The following STIM2 variants were observed in gnomAD, a reference collection of about 807,000 sequenced individuals.
The protein encoded by STIM2 is stromal interaction molecule 2.
In STIM2, 31 loss-of-function variants were observed where a neutral mutation model predicts 85.8. That is an observed-to-expected ratio of 0.36 (90% CI 0.27 to 0.49). The LOEUF is 0.49. STIM2 is among the 20% of genes least tolerant of loss of function. The pLI is 0.98. For synonymous variants in STIM2, 356 were observed against 331.1 expected (o/e 1.08, Z -0.82); for missense variants, 841 against 927.6 (o/e 0.91, Z 1.21).
In STIM2 at chr4:27,008,933, C is replaced by A; in HGVS notation, c.1420C>A (p.Pro474Thr). ...GGTGATGCCCAGAGTCTCCATTCCA[C>A]CCTATCCAATTGCTGGAGGAGTTGA... The change falls in exon 10 of 12, where the codon CCC becomes ACC. Residue 474 changes from proline to threonine, a missense_variant. Physicochemically the swap from Pro to Thr is conservative, Grantham distance 38. This residue lies in a region of STIM2 where 408 missense variants were observed against 525.4 expected (regional missense o/e 0.78). Transcript: ENST00000467087. The A allele has an allele frequency of 2.5e-6, 4 of 1,614,118 alleles. No homozygotes were observed. In the South Asian group the frequency reaches 4.4e-5, roughly 18 times the overall value.
At chr4:26,884,524 G>A (rs1195902864) in intron 1 of STIM2, among the ~76,000 whole-genome samples, 1 of 152,172 alleles carries the variant, frequency 6.6e-6, no homozygotes, top group Non-Finnish European at 1.5e-5. Flanking sequence ...GTGACTTACT[G>A]CTTCTACTGC....
intron 1 of STIM2, among the ~76,000 whole-genome samples, chr4:26,915,228 T>A (rs1348651854): frequency 6.6e-6 from 1 of 152,162 alleles, no homozygotes; most frequent in African/African-American, 2.4e-5. Flanking sequence ...CTTCCTTTTT[T>A]ATTTTTTATT....
intron 7 of STIM2, 148 bp from the exon 8 acceptor site, chr4:27,007,385 T>C: frequency 2.2e-6 from 1 of 445,962 alleles, no homozygotes; most frequent in East Asian, 3.7e-5. Context: ...AGAAATCTAC[T>C]GTATTTAGAC....
chr4:26,994,732 C>CT (rs528521944), intron 3 of STIM2, among the ~76,000 whole-genome samples: 27 of 151,982 alleles, frequency 1.8e-4, no homozygotes, highest in South Asian at 6.3e-4. Context: ...CATCTGAAGG[C>CT]TTTTTTTTAC....
intron 2 of STIM2, among the ~76,000 whole-genome samples, chr4:26,939,299 A>T (rs546792228): frequency 6.6e-6 from 1 of 152,074 alleles, no homozygotes; most frequent in Admixed American, 6.6e-5. Context: ...TGGCTGGAGG[A>T]TTCACCTTGC....
At chr4:26,911,194 G>A (rs948714136) in intron 1 of STIM2, among the ~76,000 whole-genome samples, 20 of 151,818 alleles carry the variant, frequency 1.3e-4, no homozygotes, top group African/African-American at 4.4e-4. Context: ...CTGGGATCAT[G>A]CCACTGCACT....
intron 1 of STIM2, chr4:26,881,505 C>T (rs774896785): frequency 2.0e-5 from 3 of 151,286 alleles, no homozygotes; most frequent in Non-Finnish European, 4.4e-5. Flanking sequence ...TCCCTTCTGT[C>T]ATGTAAGGAT....
intron 10 of STIM2, among the ~76,000 whole-genome samples, chr4:27,015,934 A>G (rs148292732): frequency 6.6e-6 from 1 of 151,714 alleles, no homozygotes; most frequent in Non-Finnish European, 1.5e-5. Flanking sequence ...TTATGTAGAA[A>G]TATTAGTGCT....
At chr4:26,932,921 C>G (rs1339111741) in intron 2 of STIM2, among the ~76,000 whole-genome samples, 1 of 152,136 alleles carries the variant, frequency 6.6e-6, no homozygotes, top group Non-Finnish European at 1.5e-5. Context: ...CACATAACGA[C>G]TTGTCCTGAA....
At chr4:26,964,564 TC>T (rs34171633) in intron 3 of STIM2, among the ~76,000 whole-genome samples, 2 of 152,162 alleles carry the variant, frequency 1.3e-5, no homozygotes, top group African/African-American at 4.8e-5. Flanking sequence ...GGTTAACTTT[TC>T]CCCTGTGTTT....
intron 1 of STIM2, among the ~76,000 whole-genome samples, chr4:26,894,270 G>GTATA (rs199889949): frequency 1.3e-5 from 2 of 151,154 alleles, no homozygotes; most frequent in East Asian, 3.9e-4. Context: ...ATACTTATGT[G>GTATA]TGTATATATA....
chr4:26,983,349 A>G (rs1219994561), intron 3 of STIM2, among the ~76,000 whole-genome samples: 1 of 152,124 alleles, frequency 6.6e-6, no homozygotes, highest in African/African-American at 2.4e-5. Context: ...TACTACAATT[A>G]AACAAACTTT....
At chr4:27,002,178 C>T (rs1439944399) in intron 5 of STIM2, 39 bp from the exon 6 acceptor site, 1 of 1,541,422 alleles carries the variant, frequency 6.5e-7, no homozygotes, top group Non-Finnish European at 8.7e-7. Context: ...TCCTGTCATA[C>T]TCAAAGATTA....
At chr4:26,867,702 A>G (rs866167024) in intron 1 of STIM2, among the ~76,000 whole-genome samples, 102 of 152,346 alleles carry the variant, frequency 6.7e-4, no homozygotes, top group African/African-American at 2.3e-3. Context: ...TCTAATGCCA[A>G]ATCTAAAAGG....
intron 10 of STIM2, among the ~76,000 whole-genome samples, chr4:27,012,430 C>A (rs957131009): frequency 7.1e-6 from 1 of 140,394 alleles, no homozygotes; most frequent in Non-Finnish European, 1.5e-5. Context: ...TTTCTCTGTG[C>A]AGGTCTTGCT....
intron 3 of STIM2, among the ~76,000 whole-genome samples, chr4:26,987,529 A>G (rs1255299795): frequency 6.6e-6 from 1 of 152,076 alleles, no homozygotes; most frequent in East Asian, 1.9e-4. Flanking sequence ...TCGATTCCAT[A>G]CATCATCCTG....
At chr4:26,976,382 C>CT (rs35434321) in intron 3 of STIM2, among the ~76,000 whole-genome samples, 46,244 of 116,928 alleles carry the variant, frequency 0.4, 9,409 homozygotes, top group East Asian at 0.51. Flanking sequence ...TCTTGGGAGT[C>CT]TTTTTTTTTT....
At chr4:26,955,394 A>G (rs1726208633) in intron 2 of STIM2, among the ~76,000 whole-genome samples, 1 of 148,300 alleles carries the variant, frequency 6.7e-6, no homozygotes, top group African/African-American at 2.6e-5. Context: ...AACAGTTGCC[A>G]TTTGTTCCAA....
At chr4:26,867,641 C>T (rs1252265804) in intron 1 of STIM2, among the ~76,000 whole-genome samples, 1 of 152,162 alleles carries the variant, frequency 6.6e-6, no homozygotes, top group Non-Finnish European at 1.5e-5. Context: ...AATATTAACT[C>T]CTAAATTTCA....
Sources: allele counts gnomAD v4.1 joint callset (sites outside exome capture counted in the v4.1 genomes callset), GRCh38; gene constraint gnomAD v4.1.1; regional missense constraint gnomAD v4.1.1; transcripts MANE v1.5; gene names NCBI Gene and HGNC (gene_info 2026-07-23, HGNC 2026-07-21).